The following SLC35A5 variants were observed in gnomAD, a reference collection of about 807,000 sequenced individuals.
The protein encoded by SLC35A5 is UDP-sugar transporter protein SLC35A5.
SLC35A5 carries 28 observed loss-of-function variants against 36.3 expected under a neutral mutation model. The observed-to-expected ratio is 0.77, with a 90% CI of 0.57 to 1.06. SLC35A5 has a LOEUF of 1.06. Ranked by LOEUF, SLC35A5 falls within the 50% of genes least tolerant of loss-of-function variation. SLC35A5 has a pLI of 0.00. For synonymous variants in SLC35A5, 180 were observed against 173.7 expected (o/e 1.04, Z -0.29); for missense variants, 521 against 499.3 (o/e 1.04, Z -0.41).
At chr3:112,565,477 C>G (rs1368440713) in intron 2 of SLC35A5, among the ~76,000 whole-genome samples, 1 of 152,096 alleles carries the variant, frequency 6.6e-6, no homozygotes, top group Non-Finnish European at 1.5e-5. Context: ...AATTACCAAG[C>G]AAAAAGTTTA....
intron 5 of SLC35A5, among the ~76,000 whole-genome samples, chr3:112,574,890 TA>T (rs1158633730): frequency 6.6e-6 from 1 of 152,106 alleles, no homozygotes; most frequent in Non-Finnish European, 1.5e-5. Context: ...ATGTGAGAGA[TA>T]AGGAAAAAGT....
rs1021338772 is a variant in SLC35A5 at position 112,580,772 on chromosome 3, A to G, written c.655A>G (p.Thr219Ala). ...GACTTTTCCTGAAGCTAAATGGAAC[A>G]CCACAGCCAGAGTTTTCAGTCACAT... ...EWTFPEAKWN[T>A]TARVFSHIRL... The change falls in exon 6 of 7, where the codon ACC becomes GCC. Residue 219 changes from threonine to alanine, a missense_variant. Thr to Ala is a moderately conservative substitution (Grantham distance 58). Coordinates refer to ENST00000492406, the MANE Select transcript of SLC35A5 (RefSeq NM_017945.5). 2 of 1,614,068 alleles carry G rather than the reference A, an allele frequency of 1.2e-6. No individual in the cohort carries two copies. The highest frequency in any genetic ancestry group is 1.3e-5 in the African/African-American group (1 of 74,934).
chr3:112,569,163 C>T lies in SLC35A5; in HGVS notation c.131-8C>T. On this transcript the variant is annotated splice_region_variant and splice_polypyrimidine_tract_variant and intron_variant, in intron 2 of 6. Coordinates refer to ENST00000492406, the MANE Select transcript of SLC35A5 (RefSeq NM_017945.5). ...ATATAGTTAAAAAACATTTCTGTTA[C>T]ATTTCAGAAAACAAGTATGATTATC... The T allele has an allele frequency of 6.2e-7, 1 of 1,601,088 alleles. No homozygotes were observed. The highest frequency in any genetic ancestry group is 8.6e-7 in the Non-Finnish European group (1 of 1,168,938).
rs1243180087 is a variant in SLC35A5, at chr3:112,583,740, TAGAA to T, written c.*1008_*1011del. ...TGTATGAATATTAATACTCTAAAAATAGAAAGACCAGTAATATATAAGTCACTTT... is the reference window on the plus strand; with the variant it reads ...TGTATGAATATTAATACTCTAAAAATAGACCAGTAATATATAAGTCACTTT... On this transcript the variant is annotated 3_prime_UTR_variant, in exon 7 of 7. Transcript: ENST00000492406. 2.0e-5 allele frequency: 3 copies of T among 152,090 alleles called. No individual in the cohort carries two copies. The highest frequency in any genetic ancestry group is 2.9e-5 in the Non-Finnish European group (2 of 67,994). 9.4% of individuals were successfully genotyped at this position (152,090 alleles called of 1,614,324 possible). A position where few individuals can be genotyped will look rare whatever the true frequency, so the allele number is the denominator to read the frequency against.
At chr3:112,568,743 C>T (rs898915129) in intron 2 of SLC35A5, among the ~76,000 whole-genome samples, 32 of 152,136 alleles carry the variant, frequency 2.1e-4, no homozygotes, top group African/African-American at 7.2e-4. Context: ...ACAGAGTGTA[C>T]CTCAATTTTA....
upstream of SLC35A5, chr3:112,561,840 A>C: frequency 2.7e-6 from 1 of 374,438 alleles, no homozygotes; most frequent in Non-Finnish European, 4.8e-6. Flanking sequence ...GCGGACGCAC[A>C]CGCACCCCTC....
chr3:112,576,192 A>C (rs559389697), intron 5 of SLC35A5, among the ~76,000 whole-genome samples: 1 of 151,392 alleles, frequency 6.6e-6, no homozygotes, highest in South Asian at 2.1e-4. Flanking sequence ...CAGGGTTGCA[A>C]TCTCAGCTCA....
chr3:112,565,912 G>C (rs1273305239), intron 2 of SLC35A5, among the ~76,000 whole-genome samples: 1 of 152,318 alleles, frequency 6.6e-6, no homozygotes, highest in East Asian at 1.9e-4. Context: ...AGGCCAGTCT[G>C]AGGGATAAGG....
upstream of SLC35A5, chr3:112,561,862 G>C: frequency 3.3e-6 from 1 of 307,178 alleles, no homozygotes; most frequent in Non-Finnish European, 6.1e-6. Context: ...CCCTCTGCGA[G>C]CTGTCTGTCC....
intron 6 of SLC35A5, among the ~76,000 whole-genome samples, chr3:112,581,578 A>G (rs1008361206): frequency 1.3e-5 from 2 of 152,204 alleles, no homozygotes; most frequent in African/African-American, 4.8e-5. Context: ...ATACTATAGA[A>G]TTATACACCT....
rs1934328743 is a variant in SLC35A5 at position 112,569,257 on chromosome 3, G to A, written c.217G>A (p.Val73Ile). 1.2e-6 allele frequency: 2 copies of A among 1,613,724 alleles called. No homozygotes were observed. The highest frequency in any genetic ancestry group is 2.2e-5 in the East Asian group (1 of 44,842). The change falls in exon 3 of 7, where the codon GTT becomes ATT. Residue 73 changes from valine to isoleucine, a missense_variant. By Grantham distance (29) the Val-to-Ile change is conservative. Transcript: ENST00000492406. ...LVFCVLVSFC[V>I]IKKDHQSRNL... is the part of the protein sequence containing the mutation. ...TTTCTGTGTGCTTGTGTCATTCTGT[G>A]TTATAAAGAAAGGTAAGTCTTGAAA... is the stretch of plus-strand genomic sequence containing the variant.
At position 112,584,211 on chromosome 3, in the gene SLC35A5, TAAAA is replaced by T. The variant is rs1222492149; in HGVS notation, c.*1478_*1481del. On this transcript the variant is annotated 3_prime_UTR_variant, in exon 7 of 7. Coordinates refer to ENST00000492406, the MANE Select transcript of SLC35A5 (RefSeq NM_017945.5). ...GTGGGATGTAGAGTACTTTTAATCT[TAAAA>T]AATAGAGTGAGACAAAAACCTACAC... 1.3e-5 allele frequency: 2 copies of T among 152,148 alleles called. No homozygotes were observed. Among genetic ancestry groups the T allele is most frequent in the Non-Finnish European group, 2.9e-5 (2 of 68,026 alleles). 9.4% of individuals were successfully genotyped at this position (152,148 alleles called of 1,614,324 possible). A position where few individuals can be genotyped will look rare whatever the true frequency, so the allele number is the denominator to read the frequency against.
upstream of SLC35A5, chr3:112,561,623 C>G: frequency 7.8e-7 from 1 of 1,280,020 alleles, no homozygotes; most frequent in Non-Finnish European, 1.1e-6. Flanking sequence ...CTGCCACCGA[C>G]TCGCATCAGC....
At position 112,582,870 on chromosome 3, in the gene SLC35A5, C is replaced by A; in HGVS notation, c.*134C>A. 1 of 717,134 alleles carries A rather than the reference C, an allele frequency of 1.4e-6. No individual in the cohort carries two copies. The highest frequency in any genetic ancestry group is 2.1e-5 in the South Asian group (1 of 48,638). The allele number at this position is 717,134 out of a possible 1,614,324, so 44.4% of individuals were successfully genotyped here. On this transcript the variant is annotated 3_prime_UTR_variant, in exon 7 of 7. Coordinates refer to ENST00000492406, the MANE Select transcript of SLC35A5 (RefSeq NM_017945.5). ...TATTCTTTGCATATATCTAGCTACT[C>A]CCTAAATGGTTCCATCCAAGGCTTA...
intron 3 of SLC35A5, among the ~76,000 whole-genome samples, chr3:112,569,496 A>G (rs552388783): frequency 6.6e-6 from 1 of 152,226 alleles, no homozygotes; most frequent in African/African-American, 2.4e-5. Context: ...CATGTTTCCT[A>G]ATGCCCTTCC....
chr3:112,582,658 T>C lies in SLC35A5; in HGVS notation c.1210-13T>C. The C allele has an allele frequency of 6.2e-7, 1 of 1,607,240 alleles. No homozygotes were observed. Among genetic ancestry groups the C allele is most frequent in the Non-Finnish European group, 8.5e-7 (1 of 1,174,810 alleles). The stretch of plus-strand genomic sequence containing the variant: ...AGTTTTGTTCTAATTACTGCTTTCA[T>C]GTTTCCTTTTAGGATGGAGAAGAAC... On this transcript the variant is annotated splice_polypyrimidine_tract_variant and intron_variant, in intron 6 of 6. Transcript: ENST00000492406.
At position 112,563,460 on chromosome 3, in the gene SLC35A5, A is replaced by T. The variant is rs757855265; in HGVS notation, c.57A>T (p.Thr19=). Residue 19 remains threonine, a synonymous_variant, in exon 2 of 7, where the codon ACA becomes ACT. Transcript: ENST00000492406. ...TATGCTCCTTGTCAACAATGTATAC[A>T]TTCCTGCTAGGTGCCATATTCATTG... is the stretch of plus-strand genomic sequence containing the variant. ...PVICSLSTMY[T]FLLGAIFIAL... 2 of 1,606,248 alleles carry T rather than the reference A, an allele frequency of 1.2e-6. No individual in the cohort carries two copies. The highest frequency in any genetic ancestry group is 1.7e-6 in the Non-Finnish European group (2 of 1,173,972).
rs777159719 is a variant in SLC35A5, at chr3:112,580,833, A to G, written c.716A>G (p.Gln239Arg). Residue 239 changes from glutamine (Q) to arginine (R), a missense_variant, in exon 6 of 7, where the codon CAG (glutamine) becomes CGG (arginine). Transcript: ENST00000492406. ...ATGGGCCATGTTCTTATTATAGTCC[A>G]GTGTTTTATTTCTTCAATGGCTAAT... The part of the protein sequence containing the change: ...LGMGHVLIIV[Q>R]CFISSMANIY... The G allele has an allele frequency of 1.9e-6, 3 of 1,614,054 alleles. No homozygotes were observed. The highest frequency in any genetic ancestry group is 1.7e-5 in the Admixed American group (1 of 59,996).
At chr3:112,570,700 T>A in intron 4 of SLC35A5, 30 bp downstream of exon 4, 1 of 1,527,236 alleles carries the variant, frequency 6.5e-7, no homozygotes, top group Non-Finnish European at 8.7e-7. Flanking sequence ...AAAATACCAT[T>A]GAAAAGATAC....
Sources: allele counts gnomAD v4.1 joint callset (sites outside exome capture counted in the v4.1 genomes callset), GRCh38; gene constraint gnomAD v4.1.1; transcripts MANE v1.5; gene names NCBI Gene and HGNC (gene_info 2026-07-23, HGNC 2026-07-21).